FAT4: variants seen among roughly 807,000 people sequenced by gnomAD.
FAT4 encodes protocadherin Fat 4.
In FAT4, 84 loss-of-function variants were observed where a neutral mutation model predicts 303.9. That is an observed-to-expected ratio of 0.28 (90% CI 0.23 to 0.33). FAT4 has a LOEUF of 0.33. FAT4 is among the 10% of genes least tolerant of loss of function. FAT4 has a pLI of 1.00. For missense variants in FAT4, 6,005 were observed against 6,146.8 expected (o/e 0.98, Z 0.77); for synonymous variants, 2,307 against 2,298.8 (o/e 1.00, Z -0.10).
At chr4:125,455,136 A>C (rs1428654415) in intron 10 of FAT4, among the ~76,000 whole-genome samples, 1 of 152,182 alleles carries the variant, frequency 6.6e-6, no homozygotes, top group African/African-American at 2.4e-5. Context: ...CAACAATAAG[A>C]GTTTTTATAT....
intron 8 of FAT4, among the ~76,000 whole-genome samples, chr4:125,442,097 A>G (rs1725680078): frequency 6.6e-6 from 1 of 152,186 alleles, no homozygotes; most frequent in Non-Finnish European, 1.5e-5. Context: ...AATCTGGCCC[A>G]TTATATAAAA....
chr4:125,452,044 T>C lies in FAT4; in HGVS notation c.11034T>C (p.Asp3678=), dbSNP rs553335263. Residue 3678 remains aspartate, a synonymous_variant, in exon 10 of 18, where the codon GAT becomes GAC. Coordinates refer to ENST00000394329, the MANE Select transcript of FAT4 (RefSeq NM_001291303.3). ...TGAATTCCCAGCCAAGGTCCACAGA[T>C]GGCACGTTTGATCTGACTGTCCTTA... is the stretch of plus-strand genomic sequence containing the variant. ...CDLNSQPRST[D]GTFDLTVLSN... is the part of the protein sequence containing the mutation. 309 of 1,614,156 alleles carry C rather than the reference T, an allele frequency of 1.9e-4. 6 individuals are homozygous for C. In the South Asian group the frequency reaches 3.2e-3, roughly 17 times the overall value.
At chr4:125,479,070 G>T (rs561627076) in intron 14 of FAT4, among the ~76,000 whole-genome samples, 1 of 152,158 alleles carries the variant, frequency 6.6e-6, no homozygotes, top group African/African-American at 2.4e-5. Context: ...TCACTTCAAG[G>T]CTTTCTCACT....
At chr4:125,445,671 A>G (rs1488046645) in intron 8 of FAT4, among the ~76,000 whole-genome samples, 1 of 152,072 alleles carries the variant, frequency 6.6e-6, no homozygotes, top group Non-Finnish European at 1.5e-5. Flanking sequence ...CCGTTAACCT[A>G]TCTGGTTAGC....
chr4:125,319,921 AG>A lies in FAT4; in HGVS notation c.3513del (p.Thr1172LeufsTer9). ...ACAGGGAGTCTCTTATGAGGCGGAG[AG>A]GGACTGCTGTGTTTAGCTTTACAGT... is the stretch of plus-strand genomic sequence containing the variant. ...FDRESLMRRR[G>X]TAVFSFTVIA... is the part of the protein sequence containing the mutation. On this transcript the variant is annotated frameshift_variant, in exon 2 of 18. Coordinates refer to ENST00000394329, the MANE Select transcript of FAT4 (RefSeq NM_001291303.3). LOFTEE classifies it high-confidence loss of function. 1 of 1,613,916 alleles carries A rather than the reference AG, an allele frequency of 6.2e-7. No individual in the cohort carries two copies. The highest frequency in any genetic ancestry group is 8.5e-7 in the Non-Finnish European group (1 of 1,180,024).
At chr4:125,360,310 G>A (rs1007762422) in intron 2 of FAT4, among the ~76,000 whole-genome samples, 2 of 152,008 alleles carry the variant, frequency 1.3e-5, no homozygotes, top group African/African-American at 4.8e-5. Flanking sequence ...TACTGACTTC[G>A]TGACCTTACC....
At chr4:125,452,844 T>C in intron 10 of FAT4, 34 bp downstream of exon 10, 2 of 1,548,422 alleles carry the variant, frequency 1.3e-6, no homozygotes, top group South Asian at 1.2e-5. Context: ...TCACTAAGAC[T>C]TTAGCCATGT....
Position 125,468,827 on chromosome 4 carries a change from A to G in FAT4, c.12213+8A>G. On this transcript the variant is annotated splice_region_variant and intron_variant, in intron 12 of 17. Coordinates refer to ENST00000394329, the MANE Select transcript of FAT4 (RefSeq NM_001291303.3). Reference sequence around the variant, plus strand: ...GCCAGGAGAGCAGGAATGGTAAGATATTTCATTTTATTGTTGTTGTATATC... The same window carrying G: ...GCCAGGAGAGCAGGAATGGTAAGATGTTTCATTTTATTGTTGTTGTATATC... 6.3e-7 allele frequency: 1 copy of G among 1,598,904 alleles called. No individual in the cohort carries two copies.
chr4:125,377,218 T>G (rs1733364459), intron 2 of FAT4, among the ~76,000 whole-genome samples: 1 of 152,268 alleles, frequency 6.6e-6, no homozygotes, highest in South Asian at 2.1e-4. Flanking sequence ...GATCAAAAAC[T>G]TACTTCATTT....
chr4:125,457,858 G>A (rs754548518), intron 10 of FAT4, among the ~76,000 whole-genome samples: 2 of 151,898 alleles, frequency 1.3e-5, no homozygotes, highest in South Asian at 2.1e-4. Context: ...GCCTAATAAC[G>A]ACACATGTAG....
Position 125,450,360 on chromosome 4 carries a change from A to G in FAT4, c.9350A>G (p.Asp3117Gly), listed in dbSNP as rs1384084134. The G allele has an allele frequency of 6.2e-7, 1 of 1,614,080 alleles. No individual in the cohort carries two copies. Among genetic ancestry groups the G allele is most frequent in the Non-Finnish European group, 8.5e-7 (1 of 1,179,976 alleles). Residue 3117 changes from aspartate (D) to glycine (G), a missense_variant, in exon 10 of 18, where the codon GAT (aspartate) becomes GGT (glycine). Coordinates refer to ENST00000394329, the MANE Select transcript of FAT4 (RefSeq NM_001291303.3). ...ATTGTCAGAACTGTTTCTGCAAGAG[A>G]TAGAGATGCAGCGATGAATGGCTTG... ...GSIVRTVSAR[D>G]RDAAMNGLIK...
intron 7 of FAT4, among the ~76,000 whole-genome samples, chr4:125,432,912 G>C (rs958302544): frequency 2.0e-5 from 3 of 151,940 alleles, no homozygotes; most frequent in African/African-American, 2.4e-5. Flanking sequence ...ATTGTGCTCT[G>C]CTCAACTGGG....
Position 125,491,676 on chromosome 4 carries a change from T to C in FAT4, c.14860T>C (p.Ser4954Pro), listed in dbSNP as rs979417135. 3.1e-6 allele frequency: 5 copies of C among 1,614,104 alleles called. No homozygotes were observed. The highest frequency in any genetic ancestry group is 4.2e-6 in the Non-Finnish European group (5 of 1,180,016). The change falls in exon 18 of 18, where the codon TCT (serine) becomes CCT (proline). Residue 4954 changes from serine to proline, a missense_variant. By Grantham distance (74) the Ser-to-Pro change is moderately conservative (BLOSUM62 -1). Transcript: ENST00000394329. ...TGTAGATGTTTTTAAAGATTTGGCA[T>C]CTCTTCCAGAAAAAGCAGCAGCAAA... The part of the protein sequence containing the change: ...HYVDVFKDLA[S>P]LPEKAAANEE...
At chr4:125,407,500 CTG>C (rs1165666987) in intron 4 of FAT4, among the ~76,000 whole-genome samples, 1 of 151,634 alleles carries the variant, frequency 6.6e-6, no homozygotes, top group Non-Finnish European at 1.5e-5. Flanking sequence ...ACATGAAAAA[CTG>C]TGAATATTGA....
intron 2 of FAT4, among the ~76,000 whole-genome samples, chr4:125,378,765 G>T (rs941288192): frequency 2.0e-5 from 3 of 152,004 alleles, no homozygotes; most frequent in Admixed American, 6.6e-5. Context: ...CTCAATATTT[G>T]TCTTTGTAAC....
At chr4:125,329,788 T>C (rs1242840662) in intron 2 of FAT4, among the ~76,000 whole-genome samples, 2 of 152,202 alleles carry the variant, frequency 1.3e-5, no homozygotes, top group African/African-American at 2.4e-5. Context: ...TCTTCACCCA[T>C]CTTCTTTTCA....
At chr4:125,421,796 T>C (rs1243077825) in intron 7 of FAT4, among the ~76,000 whole-genome samples, 1 of 152,150 alleles carries the variant, frequency 6.6e-6, no homozygotes, top group Non-Finnish European at 1.5e-5. Flanking sequence ...CTGGGATAGA[T>C]AAGCAGTGTG....
At position 125,317,190 on chromosome 4, in the gene FAT4, C is replaced by T. The variant is rs749582331; in HGVS notation, c.779C>T (p.Pro260Leu). The T allele has an allele frequency of 1.7e-5, 27 of 1,595,940 alleles. No homozygotes were observed. The African/African-American group carries it at 3.3e-4, about 20-fold the overall frequency. ...FGSSHYQAGV[P>L]EDAVVGSSVL... Reference sequence around the variant, plus strand: ...AGTTCTCACTACCAGGCGGGGGTGCCTGAGGACGCGGTTGTGGGTTCCAGC... The same window carrying T: ...AGTTCTCACTACCAGGCGGGGGTGCTTGAGGACGCGGTTGTGGGTTCCAGC... Residue 260 changes from proline (P) to leucine (L), a missense_variant, in exon 2 of 18, where the codon CCT becomes CTT. Pro to Leu is a moderately conservative substitution (Grantham distance 98, BLOSUM62 -3). Coordinates refer to ENST00000394329, the MANE Select transcript of FAT4 (RefSeq NM_001291303.3). This position sits in a 1 kb window ranked among gnomAD's most constrained non-coding sequence, Gnocchi z 7.0.
chr4:125,360,935 T>TTTA (rs35917874), intron 2 of FAT4, among the ~76,000 whole-genome samples: 70,658 of 145,976 alleles, frequency 0.48, 17,420 homozygotes, highest in Admixed American at 0.61. Context: ...ATTTATTTAT[T>TTTA]TTATTATTTT....
Sources: gnomAD v4.1 joint callset for allele counts (sites outside exome capture counted in the v4.1 genomes callset) on GRCh38, gnomAD v4.1.1 for gene constraint, Gnocchi (gnomAD v3.1) non-coding constraint, MANE v1.5 for transcripts, NCBI Gene and HGNC (gene_info 2026-07-23, HGNC 2026-07-21) for gene names.